The following MALRD1 variants were observed in gnomAD, a reference collection of about 807,000 sequenced individuals.
The protein encoded by MALRD1 is MAM and LDL receptor class A domain containing 1, also known as MAM and LDL-receptor class A domain-containing protein 1.
A neutral mutation model predicts 242.1 loss-of-function variants in MALRD1; 247 were observed. The ratio of observed to expected loss-of-function variants is 1.02; its 90% CI spans 0.92 to 1.13. MALRD1 has a LOEUF of 1.13. Ranked by LOEUF, MALRD1 falls within the 50% of genes most tolerant of loss-of-function variation. The pLI is 0.00. For synonymous variants in MALRD1, 995 were observed against 866.6 expected, an observed-to-expected ratio of 1.15 and a Z score of -2.60; for missense variants, 2,989 against 2,533.1, an observed-to-expected ratio of 1.18 and a Z score of -3.86.
intron 29 of MALRD1, among the ~76,000 whole-genome samples, chr10:19,480,500 C>A (rs1186048949): frequency 6.6e-6 from 1 of 152,144 alleles, no homozygotes; most frequent in Non-Finnish European, 1.5e-5. Context: ...TGCCAAAGAG[C>A]TTAAGGAATT....
In MALRD1 at chr10:19,389,490, C is replaced by CG; in HGVS notation, c.4730dup (p.Asp1578Ter). 1 of 1,550,554 alleles carries CG rather than the reference C, an allele frequency of 6.4e-7. No individual in the cohort carries two copies. The highest frequency in any genetic ancestry group is 2.4e-5 in the East Asian group (1 of 40,914). On this transcript the variant is annotated frameshift_variant, in exon 28 of 40. Coordinates refer to ENST00000454679, the MANE Select transcript of MALRD1 (RefSeq NM_001142308.3). LOFTEE classifies it high-confidence loss of function. ...TCTGGAAGCTACTGCAGTGGGCCTTCGGGGTGACAAAGCACACTTCAGGAG... is the reference window on the plus strand; with the variant it reads ...TCTGGAAGCTACTGCAGTGGGCCTTCGGGGGTGACAAAGCACACTTCAGGAG...
chr10:19,054,124 A>G (rs1235418139), intron 1 of MALRD1, among the ~76,000 whole-genome samples: 1 of 152,138 alleles, frequency 6.6e-6, no homozygotes, highest in African/African-American at 2.4e-5. Context: ...AAAATTTTTA[A>G]ATGATTTAAA....
intron 36 of MALRD1, among the ~76,000 whole-genome samples, chr10:19,652,934 C>A (rs979713416): frequency 1.3e-4 from 20 of 152,160 alleles, no homozygotes; most frequent in Admixed American, 1.1e-3. Context: ...GTCTAAGTGC[C>A]AGACATTCAT....
chr10:19,095,720 A>G (rs1457020155), intron 4 of MALRD1, among the ~76,000 whole-genome samples: 1 of 152,162 alleles, frequency 6.6e-6, no homozygotes, highest in African/African-American at 2.4e-5. Context: ...CCGAGCACCA[A>G]TAATGTATTT....
At chr10:19,602,714 A>G (rs1269642745) in intron 34 of MALRD1, among the ~76,000 whole-genome samples, 1 of 152,122 alleles carries the variant, frequency 6.6e-6, no homozygotes, top group Non-Finnish European at 1.5e-5. Flanking sequence ...TATACACAGT[A>G]ATGGGATGGC....
chr10:19,604,037 A>G (rs1838493112), intron 34 of MALRD1, among the ~76,000 whole-genome samples: 1 of 152,174 alleles, frequency 6.6e-6, no homozygotes, highest in Non-Finnish European at 1.5e-5. Context: ...GGAAATGCAG[A>G]TCTCTGACTT....
intron 18 of MALRD1, among the ~76,000 whole-genome samples, chr10:19,224,686 G>GT (rs1211724365): frequency 1.2e-4 from 18 of 152,054 alleles, no homozygotes; most frequent in Non-Finnish European, 1.5e-5. Flanking sequence ...TGATGGGGTT[G>GT]TTTTTTTCTT....
intron 13 of MALRD1, among the ~76,000 whole-genome samples, chr10:19,170,386 G>A (rs1165852013): frequency 6.6e-6 from 1 of 151,874 alleles, no homozygotes; most frequent in African/African-American, 2.4e-5. Flanking sequence ...TACTTTCTTC[G>A]AGCTTCCCAT....
rs559448903 is a variant in MALRD1, at chr10:19,325,853, G to C, written c.3577-1710G>C. 7.6e-4 allele frequency among the ~76,000 whole-genome samples: 116 copies of C among 152,178 alleles called. 1 individual carries two copies. Among genetic ancestry groups the C allele is most frequent in the African/African-American group, 2.7e-3 (114 of 41,560 alleles). On this transcript the variant is annotated intron_variant, in intron 22 of 39. Transcript: ENST00000454679. Reference sequence around the variant, plus strand: ...TTTCCCCAGTAGAGAGATACAGACTGTGACTAACTGCTAGGTCATACGTTT... The same window carrying C: ...TTTCCCCAGTAGAGAGATACAGACTCTGACTAACTGCTAGGTCATACGTTT...
intron 28 of MALRD1, among the ~76,000 whole-genome samples, chr10:19,391,048 A>G (rs4394735): frequency 0.88 from 133,258 of 152,222 alleles, 58,568 homozygotes; most frequent in African/African-American, 0.92. Flanking sequence ...TATTTGCTTC[A>G]GTCGTATTTA....
At position 19,384,270 on chromosome 10, in the gene MALRD1, A is replaced by G. The variant is rs140959792; in HGVS notation, c.4442-3258A>G. 7.5e-3 allele frequency among the ~76,000 whole-genome samples: 1,049 copies of G among 139,116 alleles called. 12 individuals are homozygous for G. The highest frequency in any genetic ancestry group is 0.012 in the Non-Finnish European group (767 of 65,812). The allele number at this position is 139,116 out of a possible 152,430, so 91.3% of individuals were successfully genotyped here. ...ATATATATATGTTAAAAAACATAAT[A>G]CATATCTTATATATAATATATGTAT... is the stretch of plus-strand genomic sequence containing the variant. On this transcript the variant is annotated intron_variant, in intron 26 of 39. Coordinates refer to ENST00000454679, the MANE Select transcript of MALRD1 (RefSeq NM_001142308.3).
chr10:19,293,405 C>T (rs865833867), intron 21 of MALRD1, among the ~76,000 whole-genome samples: 1 of 152,128 alleles, frequency 6.6e-6, no homozygotes, highest in Non-Finnish European at 1.5e-5. Context: ...CACAATTATC[C>T]CTCTAAACAC....
At chr10:19,378,922 C>G (rs1845719442) in intron 26 of MALRD1, among the ~76,000 whole-genome samples, 1 of 152,016 alleles carries the variant, frequency 6.6e-6, no homozygotes, top group Non-Finnish European at 1.5e-5. Context: ...ATTCATCAGC[C>G]AAATTTTGCC....
chr10:19,150,212 A>G (rs1262924822), intron 11 of MALRD1, among the ~76,000 whole-genome samples: 2 of 152,010 alleles, frequency 1.3e-5, no homozygotes, highest in Non-Finnish European at 2.9e-5. Flanking sequence ...TCCAATGCCT[A>G]TGTCTGTTTT....
chr10:19,271,221 T>G (rs1840220762), intron 19 of MALRD1, among the ~76,000 whole-genome samples: 1 of 152,182 alleles, frequency 6.6e-6, no homozygotes, highest in Admixed American at 6.5e-5. Flanking sequence ...AACTACAATA[T>G]ATTTTCATAT....
intron 24 of MALRD1, among the ~76,000 whole-genome samples, chr10:19,341,781 T>G (rs1245246727): frequency 6.6e-6 from 1 of 151,948 alleles, no homozygotes. Flanking sequence ...CTGAAGGAGT[T>G]AAAAAAACAA....
At chr10:19,695,559 G>T (rs1237383016) in intron 38 of MALRD1, among the ~76,000 whole-genome samples, 21 of 137,750 alleles carry the variant, frequency 1.5e-4, no homozygotes, top group Non-Finnish European at 1.5e-5. Flanking sequence ...TCACTCTGTT[G>T]CCCAGGCTGG....
intron 30 of MALRD1, among the ~76,000 whole-genome samples, chr10:19,494,334 A>C (rs548578987): frequency 6.6e-6 from 1 of 152,356 alleles, no homozygotes; most frequent in Admixed American, 6.5e-5. Flanking sequence ...GAAATAAGAA[A>C]GAACCAGTGA....
intron 36 of MALRD1, among the ~76,000 whole-genome samples, chr10:19,667,277 G>A (rs370517985): frequency 1.3e-5 from 2 of 151,968 alleles, no homozygotes; most frequent in East Asian, 3.9e-4. Context: ...GCAACATATG[G>A]AGATCTCGTC....
Sources: gnomAD v4.1 joint callset for allele counts (sites outside exome capture counted in the v4.1 genomes callset) on GRCh38, gnomAD v4.1.1 for gene constraint, MANE v1.5 for transcripts, NCBI Gene and HGNC (gene_info 2026-07-23, HGNC 2026-07-21) for gene names.